The following AVEN variants were observed in gnomAD, a reference collection of about 807,000 sequenced individuals.
AVEN encodes the protein cell death regulator Aven.
A neutral mutation model predicts 38.1 loss-of-function variants in AVEN; 41 were observed. The observed-to-expected ratio is 1.08, with a 90% CI of 0.84 to 1.40. The LOEUF (loss-of-function observed/expected upper bound fraction) is 1.40. Among genes scored for constraint, AVEN ranks in the 40% most tolerant of loss-of-function variants. The probability of loss-of-function intolerance (pLI) is 0.00; values close to 1 mark genes in which losing one functional copy is unlikely to be tolerated. For synonymous variants in AVEN, 206 were observed against 171.8 expected (o/e 1.20, Z -1.56); for missense variants, 605 against 438.8 (o/e 1.38, Z -3.38).
chr15:33,866,730 T>TG lies in AVEN; in HGVS notation c.974-3dup, dbSNP rs759342559. The stretch of plus-strand genomic sequence containing the variant: ...CAGTCACAGATGGTTTTGCACAAAC[T>TG]GGGGGAAAAAAAACAATGTTAACAC... On this transcript the variant is annotated splice_polypyrimidine_tract_variant and splice_region_variant and intron_variant, in intron 5 of 5. Transcript: ENST00000306730. 3.4e-5 allele frequency: 55 copies of TG among 1,606,994 alleles called. No homozygotes were observed. The highest frequency in any genetic ancestry group is 3.9e-5 in the Non-Finnish European group (46 of 1,174,638).
intron 4 of AVEN, among the ~76,000 whole-genome samples, chr15:33,870,104 A>G (rs569847639): frequency 7.3e-4 from 110 of 151,466 alleles, no homozygotes; most frequent in African/African-American, 2.6e-3. Context: ...TTTCTTGACC[A>G]CTCTCTCCCA....
At chr15:33,876,071 G>T in intron 2 of AVEN, 76 bp from the exon 3 acceptor site, 2 of 1,381,780 alleles carry the variant, frequency 1.4e-6, no homozygotes, top group Non-Finnish European at 2.0e-6. Context: ...CCCTGCTAGA[G>T]CAAAAGTGCC....
At chr15:33,982,014 C>T (rs1015992239) in intron 2 of AVEN, among the ~76,000 whole-genome samples, 6 of 149,954 alleles carry the variant, frequency 4.0e-5, no homozygotes, top group Non-Finnish European at 7.4e-5. Context: ...CCATGCCCTG[C>T]TAATTTTTGT....
At chr15:33,937,124 T>C (rs572129) in intron 2 of AVEN, among the ~76,000 whole-genome samples, 130,688 of 132,572 alleles carry the variant, frequency 0.99, 64,419 homozygotes, top group Non-Finnish European at 1. Flanking sequence ...GAGCGAGACT[T>C]CAACTCAAAA....
At chr15:33,954,113 C>T (rs561757332) in intron 2 of AVEN, among the ~76,000 whole-genome samples, 51 of 152,158 alleles carry the variant, frequency 3.4e-4, no homozygotes, top group African/African-American at 5.6e-4. Context: ...TACCATCTCA[C>T]GCCAGTTAGA....
chr15:33,914,126 T>C (rs1469251832), intron 2 of AVEN, among the ~76,000 whole-genome samples: 1 of 141,282 alleles, frequency 7.1e-6, no homozygotes, highest in Admixed American at 7.3e-5. Context: ...AGGAGTGGAA[T>C]GTCAGTTCTA....
intron 2 of AVEN, among the ~76,000 whole-genome samples, chr15:33,957,192 A>G (rs1894989614): frequency 1.3e-5 from 2 of 152,184 alleles, no homozygotes; most frequent in Non-Finnish European, 2.9e-5. Context: ...AATGAACTAC[A>G]TTTTTTAAAT....
intron 2 of AVEN, among the ~76,000 whole-genome samples, chr15:33,908,616 T>C (rs114851650): frequency 0.032 from 4,862 of 152,298 alleles, 260 homozygotes; most frequent in African/African-American, 0.11. Flanking sequence ...TTTTCTTTTT[T>C]TTCTGACTGG....
At chr15:34,007,529 T>G (rs1897409231) in intron 1 of AVEN, among the ~76,000 whole-genome samples, 1 of 152,196 alleles carries the variant, frequency 6.6e-6, no homozygotes, top group South Asian at 2.1e-4. Context: ...AATGTCCATA[T>G]TTCTACCAAC....
rs1348895123 is a variant in AVEN, at chr15:34,039,062, G to T, written c.-16C>A. On this transcript the variant is annotated 5_prime_UTR_variant, in exon 1 of 6. Coordinates refer to ENST00000306730, the MANE Select transcript of AVEN (RefSeq NM_020371.3). ...CCGCCTGCATCTGGCCGCCGCTGGC[G>T]GTGCTGAGCGCGCGGGAGCCGAGCT... 14 of 1,092,612 alleles carry T rather than the reference G, an allele frequency of 1.3e-5. No homozygotes were observed. Among genetic ancestry groups the T allele is most frequent in the African/African-American group, 1.7e-5 (1 of 59,372 alleles). The allele number at this position is 1,092,612 out of a possible 1,614,324, so 67.7% of individuals were successfully genotyped here.
At chr15:34,054,665 C>T (rs1181296372) in intron 5 of AVEN, among the ~76,000 whole-genome samples, 2 of 152,110 alleles carry the variant, frequency 1.3e-5, no homozygotes, top group Non-Finnish European at 2.9e-5. Flanking sequence ...AGGGAAACAA[C>T]ACACACTGGA....
intron 2 of AVEN, among the ~76,000 whole-genome samples, chr15:33,985,647 T>C (rs139097174): frequency 3.9e-5 from 6 of 152,134 alleles, no homozygotes; most frequent in African/African-American, 7.2e-5. Flanking sequence ...CACTGTGTTG[T>C]AGGCATTTCT....
intron 2 of AVEN, among the ~76,000 whole-genome samples, chr15:33,910,523 A>G (rs1318876007): frequency 6.6e-6 from 1 of 152,216 alleles, no homozygotes; most frequent in Non-Finnish European, 1.5e-5. Context: ...ATTATCCTAT[A>G]GCCAAAGTGA....
At chr15:33,931,071 G>GA (rs1269466012) in intron 2 of AVEN, among the ~76,000 whole-genome samples, 1 of 151,422 alleles carries the variant, frequency 6.6e-6, no homozygotes, top group Non-Finnish European at 1.5e-5. Context: ...ACACCCCTTA[G>GA]AATAATTAGA....
At chr15:33,985,373 GT>G (rs1896381964) in intron 2 of AVEN, among the ~76,000 whole-genome samples, 1 of 150,746 alleles carries the variant, frequency 6.6e-6, no homozygotes. Flanking sequence ...ACTGAGCTGA[GT>G]GTTCCTTTGT....
rs1243668205 is a variant in AVEN at position 34,038,907 on chromosome 15, C to G, written c.140G>C (p.Gly47Ala). The G allele has an allele frequency of 1.1e-4, 120 of 1,118,924 alleles. No individual in the cohort carries two copies. The East Asian group carries it at 6.2e-3, about 57-fold the overall frequency. The allele number at this position is 1,118,924 out of a possible 1,614,324, so 69.3% of individuals were successfully genotyped here. A position where few individuals can be genotyped will look rare whatever the true frequency, so the allele number is the denominator to read the frequency against. The change falls in exon 1 of 6, where the codon GGA (glycine) becomes GCA (alanine). Residue 47 changes from glycine to alanine, a missense_variant. Physicochemically the swap from Gly to Ala is moderately conservative, Grantham distance 60. Transcript: ENST00000306730. ...RGGGGGGGGD[G>A]GGRRGRGRGR... ...ACGGCCACGGCCCCGGCGTCCGCCT[C>G]CGTCCCCGCCGCCGCCTCCGCCGCC...
intron 2 of AVEN, among the ~76,000 whole-genome samples, chr15:33,888,353 G>A (rs1891790054): frequency 6.6e-6 from 1 of 152,082 alleles, no homozygotes; most frequent in African/African-American, 2.4e-5. Context: ...TCCAGGTTGG[G>A]GCAGAGTCAG....
At chr15:33,925,672 G>T (rs747085694) in intron 2 of AVEN, among the ~76,000 whole-genome samples, 1 of 152,184 alleles carries the variant, frequency 6.6e-6, no homozygotes, top group African/African-American at 2.4e-5. Flanking sequence ...TGAATGAGGT[G>T]CATTATAAAG....
At position 34,003,336 on chromosome 15, in the gene AVEN, T is replaced by A. The variant is rs1597336869; in HGVS notation, c.268-127A>T. ...CAATAGACCAAGCTGTCTGAAGATA[T>A]TAAATATTATTTTAAGAGAATCACA... On this transcript the variant is annotated intron_variant, in intron 1 of 5. Coordinates refer to ENST00000306730, the MANE Select transcript of AVEN (RefSeq NM_020371.3). 3 of 759,658 alleles carry A rather than the reference T, an allele frequency of 3.9e-6. No homozygotes were observed. The East Asian group carries it at 8.1e-5, about 21-fold the overall frequency. The allele number at this position is 759,658 out of a possible 1,614,324, so 47.1% of individuals were successfully genotyped here. A position where few individuals can be genotyped will look rare whatever the true frequency, so the allele number is the denominator to read the frequency against.
Sources: allele counts gnomAD v4.1 joint callset (sites outside exome capture counted in the v4.1 genomes callset), GRCh38; gene constraint gnomAD v4.1.1; transcripts MANE v1.5; gene names NCBI Gene and HGNC (gene_info 2026-07-23, HGNC 2026-07-21).